FREM3: variants seen among roughly 807,000 people sequenced by gnomAD.
FREM3 encodes FRAS1 related extracellular matrix 3.
In FREM3, 105 loss-of-function variants were observed where a neutral mutation model predicts 129.1. That is an observed-to-expected ratio of 0.81 (90% confidence interval 0.69 to 0.96). FREM3 has a LOEUF of 0.96. Among genes scored for constraint, FREM3 ranks in the 40% least tolerant of loss-of-function variants. The pLI is 0.00. For synonymous variants in FREM3, 1,014 were observed against 1,044.9 expected (o/e 0.97, Z 0.57); for missense variants, 2,593 against 2,666.3 (o/e 0.97, Z 0.61).
rs139273579 is a variant in FREM3, at chr4:143,691,027, G to C, written c.5275+2086C>G. Among the ~76,000 whole-genome samples, 460 of 152,240 alleles carry C rather than the reference G, an allele frequency of 3.0e-3. 2 individuals carry two copies. The highest frequency in any genetic ancestry group is 0.011 in the African/African-American group (446 of 41,548). On this transcript the variant is annotated intron_variant, in intron 2 of 7. Transcript: ENST00000329798. Reference sequence around the variant, plus strand: ...GCAACATAGAGGAACCCTGTTTCTAGAAAAAATCTTTAAAGAAATGATTTT... The same window carrying C: ...GCAACATAGAGGAACCCTGTTTCTACAAAAAATCTTTAAAGAAATGATTTT...
At chr4:143,620,932 G>T in intron 5 of FREM3, 105 bp downstream of exon 5, 2 of 1,134,408 alleles carry the variant, frequency 1.8e-6, no homozygotes, top group Non-Finnish European at 2.5e-6. Flanking sequence ...CAGGCATCCA[G>T]CATCTTAACT....
In FREM3 at chr4:143,624,347, A is replaced by C. The variant is rs1227180334; in HGVS notation, c.5423-9T>G. ...ATCTTTGGTACCAATGCCTGAATAA[A>C]AATCAGAAAACTATAAATATAAAGC... On this transcript the variant is annotated splice_polypyrimidine_tract_variant and intron_variant, in intron 3 of 7. Transcript: ENST00000329798. 6.7e-6 allele frequency: 10 copies of C among 1,496,296 alleles called. No individual in the cohort carries two copies. In the East Asian group the frequency reaches 2.2e-4, roughly 33 times the overall value. 92.7% of individuals were successfully genotyped at this position (1,496,296 alleles called of 1,614,324 possible).
chr4:143,672,124 G>A (rs1222364446), intron 2 of FREM3, among the ~76,000 whole-genome samples: 1 of 152,204 alleles, frequency 6.6e-6, no homozygotes, highest in Non-Finnish European at 1.5e-5. Flanking sequence ...TCTTCAGGCA[G>A]TTCACTGTAA....
At position 143,699,856 on chromosome 4, in the gene FREM3, G is replaced by T. The variant is rs565834074; in HGVS notation, c.820C>A (p.Pro274Thr). 1.5e-5 allele frequency: 23 copies of T among 1,536,658 alleles called. No individual in the cohort carries two copies. In the East Asian group the frequency reaches 5.6e-4, roughly 38 times the overall value. Residue 274 changes from proline (P) to threonine (T), a missense_variant, in exon 1 of 8, where the codon CCT becomes ACT. This residue lies in a region of FREM3 where 2,276 missense variants were observed against 2,267.2 expected (regional missense o/e 1.00). Transcript: ENST00000329798. The surrounding 1 kb of genome is among the most constrained non-coding windows in gnomAD (Gnocchi z 4.2). ...YVPMMVELLGPEGQDAGSAGV... is the reference protein window; with the variant it reads ...YVPMMVELLGTEGQDAGSAGV... Reference sequence around the variant, plus strand: ...GCGGACCCAGCGTCTTGGCCCTCAGGCCCCAGCAGCTCCACCATCATGGGC... The same window carrying T: ...GCGGACCCAGCGTCTTGGCCCTCAGTCCCCAGCAGCTCCACCATCATGGGC...
At chr4:143,688,189 A>G (rs1456919130) in intron 2 of FREM3, among the ~76,000 whole-genome samples, 2 of 152,232 alleles carry the variant, frequency 1.3e-5, no homozygotes, top group Non-Finnish European at 2.9e-5. Context: ...AGTAAAGTAC[A>G]CAAATCAGTA....
intron 6 of FREM3, among the ~76,000 whole-genome samples, chr4:143,608,513 A>G (rs1211139497): frequency 6.6e-6 from 1 of 152,172 alleles, no homozygotes; most frequent in Non-Finnish European, 1.5e-5. Context: ...TCTAATTGTT[A>G]GGTAAAGAGC....
intron 6 of FREM3, among the ~76,000 whole-genome samples, chr4:143,610,641 G>A (rs1738739875): frequency 6.6e-6 from 1 of 152,158 alleles, no homozygotes; most frequent in Non-Finnish European, 1.5e-5. Flanking sequence ...TCCTGGCCCT[G>A]TCTTTATTAC....
In FREM3 at chr4:143,700,493, G is replaced by C. The variant is rs1202480477; in HGVS notation, c.183C>G (p.Ser61Arg). The C allele has an allele frequency of 6.6e-7, 1 of 1,513,304 alleles. No homozygotes were observed. The allele number at this position is 1,513,304 out of a possible 1,614,324, so 93.7% of individuals were successfully genotyped here. A position where few individuals can be genotyped will look rare whatever the true frequency, so the allele number is the denominator to read the frequency against. Residue 61 changes from serine (S) to arginine (R), a missense_variant, in exon 1 of 8, where the codon AGC (serine) becomes AGG (arginine). By Grantham distance (110) the Ser-to-Arg change is moderately radical (BLOSUM62 -1). This residue lies in a region of FREM3 where 2,276 missense variants were observed against 2,267.2 expected (regional missense o/e 1.00). Coordinates refer to ENST00000329798, the MANE Select transcript of FREM3 (RefSeq NM_001168235.2). Reference protein sequence around the residue: ...ALDGTRPDGPSVLIANPGLRV... With the variant: ...ALDGTRPDGPRVLIANPGLRV... ...GGAGTCCAGGGTTGGCAATCAGCAC[G>C]CTGGGGCCGTCGGGGCGAGTGCCGT...
intron 7 of FREM3, among the ~76,000 whole-genome samples, chr4:143,584,181 G>T (rs998050295): frequency 6.6e-6 from 1 of 151,866 alleles, no homozygotes; most frequent in Non-Finnish European, 1.5e-5. Context: ...AGGCCGAGGC[G>T]GGTGGATCAT....
intron 2 of FREM3, among the ~76,000 whole-genome samples, chr4:143,673,290 T>A (rs1740036867): frequency 6.6e-6 from 1 of 152,248 alleles, no homozygotes; most frequent in Non-Finnish European, 1.5e-5. Context: ...TCCTTCCTGT[T>A]TGTTAGTTTT....
At chr4:143,691,301 G>A (rs1351461499) in intron 2 of FREM3, among the ~76,000 whole-genome samples, 1 of 152,022 alleles carries the variant, frequency 6.6e-6, no homozygotes, top group Non-Finnish European at 1.5e-5. Flanking sequence ...GCTTCCCAAA[G>A]CAGAGTGAGT....
chr4:143,624,425 A>G (rs1327827873), intron 3 of FREM3, 87 bp from the exon 4 acceptor site: 1 of 744,364 alleles, frequency 1.3e-6, no homozygotes, highest in South Asian at 1.8e-5. Context: ...TGTTAACAAA[A>G]GTAGATAACA....
intron 2 of FREM3, among the ~76,000 whole-genome samples, chr4:143,661,961 C>A (rs897311468): frequency 1.8e-4 from 27 of 151,908 alleles, no homozygotes; most frequent in African/African-American, 6.0e-4. Flanking sequence ...TTTATTGCAT[C>A]TATTTGATTC....
Position 143,699,247 on chromosome 4 carries a change from T to TG in FREM3, c.1428_1429insC (p.Arg477GlnfsTer32). On this transcript the variant is annotated frameshift_variant, in exon 1 of 8. Coordinates refer to ENST00000329798, the MANE Select transcript of FREM3 (RefSeq NM_001168235.2). LOFTEE classifies it high-confidence loss of function. The surrounding 1 kb of genome is among the most constrained non-coding windows in gnomAD (Gnocchi z 4.2). ...CCAAACACCACCAGCTGCCCATGTC[T>TG]CAAGCCCCTGACTGCAGCCATTTTC... The TG allele has an allele frequency of 1.3e-6, 2 of 1,537,268 alleles. No individual in the cohort carries two copies. Among genetic ancestry groups the TG allele is most frequent in the Non-Finnish European group, 1.7e-6 (2 of 1,146,914 alleles).
chr4:143,596,707 A>AG (rs1738489730), intron 6 of FREM3, among the ~76,000 whole-genome samples: 2 of 151,988 alleles, frequency 1.3e-5, no homozygotes, highest in African/African-American at 4.8e-5. Flanking sequence ...GGCCGAGGAG[A>AG]GGGGATCACT....
chr4:143,660,442 T>C (rs930685891), intron 2 of FREM3, among the ~76,000 whole-genome samples: 1 of 152,208 alleles, frequency 6.6e-6, no homozygotes, highest in Non-Finnish European at 1.5e-5. Context: ...CATTGATCTA[T>C]ATCTCTGTTT....
chr4:143,652,146 C>CTTTT lies in FREM3; in HGVS notation c.5276-24390_5276-24387dup, dbSNP rs1030414098. ...TTCATTCAAATGGTCTTTTTCCTTT[C>CTTTT]TTTTTTTTTTTTTTTTTTTTTTTTT... is the stretch of plus-strand genomic sequence containing the variant. On this transcript the variant is annotated intron_variant, in intron 2 of 7. Coordinates refer to ENST00000329798, the MANE Select transcript of FREM3 (RefSeq NM_001168235.2). 8.0e-4 allele frequency among the ~76,000 whole-genome samples: 47 copies of CTTTT among 58,510 alleles called. 8 individuals are homozygous for CTTTT. The highest frequency in any genetic ancestry group is 2.5e-3 in the African/African-American group (35 of 13,868). 38.4% of individuals were successfully genotyped at this position (58,510 alleles called of 152,430 possible).
At chr4:143,611,044 T>A (rs759620998) in intron 6 of FREM3, among the ~76,000 whole-genome samples, 37 of 146,582 alleles carry the variant, frequency 2.5e-4, no homozygotes, top group Non-Finnish European at 4.9e-4. Flanking sequence ...TGGGCTGTGC[T>A]TTTTCTTGTG....
intron 2 of FREM3, among the ~76,000 whole-genome samples, chr4:143,639,911 T>TA (rs911455165): frequency 2.3e-4 from 34 of 149,692 alleles, no homozygotes; most frequent in South Asian, 4.3e-4. Flanking sequence ...ACAGTGCTAG[T>TA]AAAAAAAAAA....
Sources: allele counts gnomAD v4.1 joint callset (sites outside exome capture counted in the v4.1 genomes callset), GRCh38; gene constraint gnomAD v4.1.1; regional missense constraint gnomAD v4.1.1; non-coding constraint Gnocchi (gnomAD v3.1); transcripts MANE v1.5; gene names NCBI Gene and HGNC (gene_info 2026-07-23, HGNC 2026-07-21).